The following PPP6R1 variants were observed in gnomAD, a reference collection of about 807,000 sequenced individuals.
PPP6R1 encodes the protein serine/threonine-protein phosphatase 6 regulatory subunit 1.
A neutral mutation model predicts 104.6 loss-of-function variants in PPP6R1; 39 were observed. The ratio of observed to expected loss-of-function variants is 0.37; its 90% confidence interval spans 0.29 to 0.49. PPP6R1 has a LOEUF of 0.49. PPP6R1 is among the 20% of genes least tolerant of loss of function. The probability of loss-of-function intolerance (pLI) is 0.98; values close to 1 mark genes in which losing one functional copy is unlikely to be tolerated. For synonymous variants in PPP6R1, 549 were observed against 479.0 expected, an observed-to-expected ratio of 1.15 and a Z score of -1.91; for missense variants, 1,181 against 1,155.8, an observed-to-expected ratio of 1.02 and a Z score of -0.32.
Position 55,239,595 on chromosome 19 carries a change from T to C in PPP6R1, c.1652A>G (p.Gln551Arg). Residue 551 changes from glutamine (Q) to arginine (R), a missense_variant and splice_region_variant, in exon 14 of 24, where the codon CAG becomes CGG. Coordinates refer to ENST00000412770, the MANE Select transcript of PPP6R1 (RefSeq NM_014931.4). ...AGCCCCACATAGCCCCACGCCCACC[T>C]GCTGCAGCACAGCCTCCTCAGGGAA... The part of the protein sequence containing the change: ...FNFPEEAVLQ[Q>R]AFMDFQMQRM... The C allele has an allele frequency of 6.2e-7, 1 of 1,611,040 alleles. No homozygotes were observed. Among genetic ancestry groups the C allele is most frequent in the East Asian group, 2.2e-5 (1 of 44,812 alleles).
At chr19:55,236,384 G>C in intron 17 of PPP6R1, 2 of 453,906 alleles carry the variant, frequency 4.4e-6, no homozygotes, top group Non-Finnish European at 7.7e-6. Flanking sequence ...TCAAACTCCT[G>C]AGCTCAAGCA....
intron 17 of PPP6R1, 45 bp downstream of exon 17, chr19:55,236,598 C>T (rs775597413): frequency 2.4e-4 from 350 of 1,472,310 alleles, no homozygotes; most frequent in Non-Finnish European, 3.1e-4. Context: ...CTTGGCCCTG[C>T]CGTGTGGTGG....
At chr19:55,257,087 A>G (rs2087598993) in intron 1 of PPP6R1, among the ~76,000 whole-genome samples, 1 of 150,382 alleles carries the variant, frequency 6.6e-6, no homozygotes, top group African/African-American at 2.5e-5. Flanking sequence ...TTAAAAAAAA[A>G]AAAAAAAAAA....
intron 1 of PPP6R1, among the ~76,000 whole-genome samples, chr19:55,257,846 C>A (rs1330356862): frequency 6.6e-6 from 1 of 152,386 alleles, no homozygotes; most frequent in South Asian, 2.1e-4. Flanking sequence ...TGCCTGCCCT[C>A]AGCAGGCTTC....
At chr19:55,246,115 G>A (rs554512458) in intron 2 of PPP6R1, among the ~76,000 whole-genome samples, 29 of 152,300 alleles carry the variant, frequency 1.9e-4, no homozygotes, top group Admixed American at 1.9e-3. Flanking sequence ...CAAGACAAGA[G>A]CTGCCCCACC....
At chr19:55,228,223 G>GC, downstream of PPP6R1, 2 of 1,611,868 alleles carry the variant, frequency 1.2e-6, no homozygotes, top group Non-Finnish European at 1.7e-6. Flanking sequence ...GATGAGGCAA[G>GC]CGTCCCCCAC....
chr19:55,247,252 C>T, intron 1 of PPP6R1, 143 bp from the exon 2 acceptor site: 1 of 873,808 alleles, frequency 1.1e-6, no homozygotes, highest in Admixed American at 2.4e-5. Flanking sequence ...CTGAGCCCGG[C>T]CCCGCCCCGG....
downstream of PPP6R1, chr19:55,228,693 G>T (rs1182702304): frequency 3.7e-6 from 6 of 1,612,810 alleles, no homozygotes; most frequent in African/African-American, 4.0e-5. Context: ...GCTCTCACCT[G>T]GGCTGAGCAG....
Position 55,240,117 on chromosome 19 carries a change from G to A in PPP6R1, c.1362-3C>T. On this transcript the variant is annotated splice_polypyrimidine_tract_variant and splice_region_variant and intron_variant, in intron 11 of 23. Coordinates refer to ENST00000412770, the MANE Select transcript of PPP6R1 (RefSeq NM_014931.4). The stretch of plus-strand genomic sequence containing the variant: ...CTTTCCGAGGGCCTCCCGCACACCT[G>A]GCAAGAGTGAAGGCCGCGGCTGCAA... 2 of 1,576,464 alleles carry A rather than the reference G, an allele frequency of 1.3e-6. No homozygotes were observed. The highest frequency in any genetic ancestry group is 1.7e-6 in the Non-Finnish European group (2 of 1,161,702).
At chr19:55,228,247 A>G, downstream of PPP6R1, 3 of 1,612,614 alleles carry the variant, frequency 1.9e-6, no homozygotes, top group Non-Finnish European at 2.5e-6. Context: ...CGAGCACACA[A>G]GGGCTCCCTG....
chr19:55,230,199 G>A lies in PPP6R1; in HGVS notation c.*329C>T, dbSNP rs1262946326. The A allele has an allele frequency of 2.1e-5, 7 of 331,676 alleles. No individual in the cohort carries two copies. Among genetic ancestry groups the A allele is most frequent in the Non-Finnish European group, 3.4e-5 (6 of 178,784 alleles). 20.5% of individuals were successfully genotyped at this position (331,676 alleles called of 1,614,324 possible). ...ACAGGGAAGGCTGTGCTTTGGAGCC[G>A]CCAGCCCAGTTCGGTGTCCTCACTC... On this transcript the variant is annotated 3_prime_UTR_variant, in exon 24 of 24. Transcript: ENST00000412770.
chr19:55,247,421 A>G (rs2087519342), intron 1 of PPP6R1: 1 of 389,740 alleles, frequency 2.6e-6, no homozygotes, highest in Non-Finnish European at 4.8e-6. Context: ...CTGAGGCCTC[A>G]GGCCTGGTGA....
At chr19:55,239,011 C>T in intron 15 of PPP6R1, 1 of 205,636 alleles carries the variant, frequency 4.9e-6, no homozygotes, top group Non-Finnish European at 9.9e-6. Context: ...AGCCAGAGGG[C>T]ATCCATGGAG....
chr19:55,242,603 A>T lies in PPP6R1; in HGVS notation c.619-115T>A, dbSNP rs1256714917. ...TCCAGGGAAAAATGGTCACCCAGAC[A>T]CAGGGACACGTGTTACGAAGGAGGA... On this transcript the variant is annotated intron_variant, in intron 5 of 23. Transcript: ENST00000412770. The T allele has an allele frequency of 3.6e-6, 3 of 833,544 alleles. No individual in the cohort carries two copies. The East Asian group carries it at 7.6e-5, about 21-fold the overall frequency. 51.6% of individuals were successfully genotyped at this position (833,544 alleles called of 1,614,324 possible).
At chr19:55,238,589 G>C (rs377229626) in intron 15 of PPP6R1, 12 of 152,570 alleles carry the variant, frequency 7.9e-5, no homozygotes, top group African/African-American at 2.9e-4. Flanking sequence ...CCGCCTCCCA[G>C]GTTCAAGCGA....
rs1402934574 is a variant in PPP6R1 at position 55,258,965 on chromosome 19, G to GGCCGGCCTCAGGGCCTCCGAC, written c.-558_-538dup. ...AAGCCGCTCAATCTCCGGGCTCTGC[G>GGCCGGCCTCAGGGCCTCCGAC]GCCGGCCTCAGGGCCTCCGACGCCC... On this transcript the variant is annotated 5_prime_UTR_variant, in exon 1 of 24. Transcript: ENST00000412770. 6.6e-6 allele frequency: 1 copy of GGCCGGCCTCAGGGCCTCCGAC among 152,246 alleles called. No individual in the cohort carries two copies. The highest frequency in any genetic ancestry group is 1.5e-5 in the Non-Finnish European group (1 of 68,078). The allele number at this position is 152,246 out of a possible 1,614,324, so 9.4% of individuals were successfully genotyped here.
chr19:55,251,904 T>TGTGGCGAGCAAAGCACCGAGAC (rs1222272550), intron 1 of PPP6R1, among the ~76,000 whole-genome samples: 1 of 152,050 alleles, frequency 6.6e-6, no homozygotes, highest in Non-Finnish European at 1.5e-5. Context: ...GGCCTAAGGC[T>TGTGGCGAGCAAAGCACCGAGAC]GTGGCGAGCA....
chr19:55,236,218 G>GCA (rs1568944486), intron 17 of PPP6R1: 10 of 165,070 alleles, frequency 6.1e-5, no homozygotes, highest in African/African-American at 2.4e-4. Flanking sequence ...GCAGTGGTAT[G>GCA]ATCTCGGCTC....
At chr19:55,255,486 G>A (rs932362395) in intron 1 of PPP6R1, among the ~76,000 whole-genome samples, 3 of 152,060 alleles carry the variant, frequency 2.0e-5, no homozygotes, top group Admixed American at 1.3e-4. Context: ...TTCCTTATCC[G>A]GGAAATACCT....
Sources: gnomAD v4.1 joint callset for allele counts (sites outside exome capture counted in the v4.1 genomes callset) on GRCh38, gnomAD v4.1.1 for gene constraint, MANE v1.5 for transcripts, NCBI Gene and HGNC (gene_info 2026-07-23, HGNC 2026-07-21) for gene names.